TOX3: variants seen among roughly 807,000 people sequenced by gnomAD.
The protein encoded by TOX3 is TOX high mobility group box family member 3, also known as CAG trinucleotide repeat-containing gene F9 protein.
A neutral mutation model predicts 64.3 loss-of-function variants in TOX3; 22 were observed. The ratio of observed to expected loss-of-function variants is 0.34; its 90% CI spans 0.24 to 0.49. The LOEUF (loss-of-function observed/expected upper bound fraction) is 0.49. Among genes scored for constraint, TOX3 ranks in the 20% least tolerant of loss-of-function variants. TOX3 has a pLI of 0.99. For missense variants in TOX3, 661 were observed against 714.4 expected (o/e 0.93, Z 0.85); for synonymous variants, 291 against 273.6 (o/e 1.06, Z -0.63).
intron 1 of TOX3, among the ~76,000 whole-genome samples, chr16:52,494,192 C>A (rs1961775613): frequency 6.6e-6 from 1 of 152,150 alleles, no homozygotes; most frequent in African/African-American, 2.4e-5. Context: ...TGGGCTGTTT[C>A]CAACTCCCTT....
intron 1 of TOX3, among the ~76,000 whole-genome samples, chr16:52,510,778 A>AAAAAAAAAAAAAAG (rs574634087): frequency 3.5e-5 from 4 of 115,138 alleles, no homozygotes; most frequent in Non-Finnish European, 5.0e-5. Context: ...AAAAAAAAAA[A>AAAAAAAAAAAAAAG]AAGAAGAAGA....
At chr16:52,456,627 A>G (rs955030864) in intron 3 of TOX3, among the ~76,000 whole-genome samples, 3 of 152,164 alleles carry the variant, frequency 2.0e-5, no homozygotes, top group Non-Finnish European at 2.9e-5. Context: ...GCAATCCCTC[A>G]TTTTCTTAAA....
chr16:52,497,627 G>T (rs917204744), intron 1 of TOX3, among the ~76,000 whole-genome samples: 2 of 152,126 alleles, frequency 1.3e-5, no homozygotes, highest in Admixed American at 6.5e-5. Context: ...GAAACATATG[G>T]CTAGGATGTT....
chr16:52,459,616 C>T (rs890045756), intron 3 of TOX3, among the ~76,000 whole-genome samples: 2 of 152,132 alleles, frequency 1.3e-5, no homozygotes, highest in Non-Finnish European at 2.9e-5. Flanking sequence ...AGTCATCATC[C>T]TGTGAACTTT....
chr16:52,486,252 G>C (rs1408333816), intron 1 of TOX3, among the ~76,000 whole-genome samples: 3 of 152,100 alleles, frequency 2.0e-5, no homozygotes, highest in Non-Finnish European at 2.9e-5. Flanking sequence ...TCCCAAAAAG[G>C]AGCCTGAGAA....
Position 52,491,564 on chromosome 16 carries a change from G to A in TOX3, c.88-22990C>T, listed in dbSNP as rs1202703799. 3.9e-5 allele frequency among the ~76,000 whole-genome samples: 6 copies of A among 152,138 alleles called. 1 individual carries two copies. The highest frequency in any genetic ancestry group is 8.8e-5 in the Non-Finnish European group (6 of 68,030). On this transcript the variant is annotated intron_variant, in intron 1 of 6. Coordinates refer to ENST00000219746, the MANE Select transcript of TOX3 (RefSeq NM_001080430.4). ...AGTATGTGCTGGTATGTATAACCTTGTTTGATCATCAGAGTTGCAATTTTA... is the reference window on the plus strand; with the variant it reads ...AGTATGTGCTGGTATGTATAACCTTATTTGATCATCAGAGTTGCAATTTTA...
At chr16:52,489,514 A>G (rs1292676581) in intron 1 of TOX3, among the ~76,000 whole-genome samples, 1 of 152,132 alleles carries the variant, frequency 6.6e-6, no homozygotes, top group Non-Finnish European at 1.5e-5. Flanking sequence ...CACCCTCTGG[A>G]AAGAGTTATT....
At chr16:52,492,959 T>C (rs762170502) in intron 1 of TOX3, among the ~76,000 whole-genome samples, 1 of 151,898 alleles carries the variant, frequency 6.6e-6, no homozygotes, top group Non-Finnish European at 1.5e-5. Context: ...CAAAAGACTT[T>C]TTCTGAAGGC....
At chr16:52,450,222 A>C (rs1282870195) in intron 4 of TOX3, 55 bp downstream of exon 4, 5 of 1,598,696 alleles carry the variant, frequency 3.1e-6, no homozygotes, top group Non-Finnish European at 4.3e-6. Flanking sequence ...TTCAAACAGC[A>C]TGGGGTAATC....
At chr16:52,464,419 T>C (rs528727122) in intron 2 of TOX3, among the ~76,000 whole-genome samples, 1 of 152,212 alleles carries the variant, frequency 6.6e-6, no homozygotes, top group African/African-American at 2.4e-5. Flanking sequence ...AGTATCAGTA[T>C]TAACAGTTTT....
chr16:52,531,082 A>T (rs1230882539), intron 1 of TOX3, among the ~76,000 whole-genome samples: 3 of 152,208 alleles, frequency 2.0e-5, no homozygotes, highest in African/African-American at 4.8e-5. Flanking sequence ...ATTTTACCCC[A>T]CTGGCAATTA....
Position 52,546,884 on chromosome 16 carries a change from GC to G in TOX3, c.-162del. 1 of 1,159,754 alleles carries G rather than the reference GC, an allele frequency of 8.6e-7. No individual in the cohort carries two copies. Among genetic ancestry groups the G allele is most frequent in the Non-Finnish European group, 1.1e-6 (1 of 942,310 alleles). 71.8% of individuals were successfully genotyped at this position (1,159,754 alleles called of 1,614,324 possible). ...GACCCAGAGCCCGAGGAGCTCGGGA[GC>G]CGCGGCCGCCGCACACAAAGGCGCG... On this transcript the variant is annotated 5_prime_UTR_variant, in exon 1 of 7. Coordinates refer to ENST00000219746, the MANE Select transcript of TOX3 (RefSeq NM_001080430.4).
At chr16:52,527,105 A>G (rs1567351719) in intron 1 of TOX3, among the ~76,000 whole-genome samples, 1 of 152,328 alleles carries the variant, frequency 6.6e-6, no homozygotes, top group East Asian at 1.9e-4. Flanking sequence ...CATTCCATAA[A>G]TATTTGAGGA....
intron 1 of TOX3, among the ~76,000 whole-genome samples, chr16:52,539,830 C>T (rs999292474): frequency 6.6e-5 from 10 of 152,148 alleles, no homozygotes; most frequent in African/African-American, 2.4e-4. Flanking sequence ...CGTCCAGGCC[C>T]CAAATTCAAA....
At chr16:52,526,517 A>G (rs1962729919) in intron 1 of TOX3, among the ~76,000 whole-genome samples, 1 of 151,968 alleles carries the variant, frequency 6.6e-6, no homozygotes, top group Non-Finnish European at 1.5e-5. Context: ...TCATTTCCAT[A>G]AAGCCTTGAA....
intron 1 of TOX3, among the ~76,000 whole-genome samples, chr16:52,486,414 A>G (rs78338509): frequency 0.013 from 1,952 of 152,340 alleles, 22 homozygotes; most frequent in Non-Finnish European, 0.017. Flanking sequence ...GGGTTCAATG[A>G]CATCAAAGAC....
chr16:52,513,230 G>C (rs1962358496), intron 1 of TOX3, among the ~76,000 whole-genome samples: 1 of 152,190 alleles, frequency 6.6e-6, no homozygotes, highest in Non-Finnish European at 1.5e-5. Flanking sequence ...CCCTCTGAGA[G>C]CTATCACAAT....
intron 1 of TOX3, among the ~76,000 whole-genome samples, chr16:52,529,773 T>A (rs45496193): frequency 4.3e-4 from 66 of 152,296 alleles, no homozygotes; most frequent in Non-Finnish European, 6.5e-4. Flanking sequence ...CTAAGAAGAT[T>A]CTCTGTAAAT....
intron 1 of TOX3, among the ~76,000 whole-genome samples, chr16:52,469,308 C>T (rs900511983): frequency 1.3e-5 from 2 of 152,180 alleles, no homozygotes; most frequent in Non-Finnish European, 2.9e-5. Flanking sequence ...CAGACTTAAG[C>T]TCTTTACCTC....
Sources: allele counts gnomAD v4.1 joint callset (sites outside exome capture counted in the v4.1 genomes callset), GRCh38; gene constraint gnomAD v4.1.1; transcripts MANE v1.5; gene names NCBI Gene and HGNC (gene_info 2026-07-23, HGNC 2026-07-21).